The following PALM2AKAP2 variants were observed in gnomAD, a reference collection of about 807,000 sequenced individuals.
PALM2AKAP2 encodes the protein PALM2 and AKAP2 fusion, also known as PALM2-AKAP2 fusion protein.
PALM2AKAP2 carries 37 observed loss-of-function variants against 71.5 expected under a neutral mutation model. The observed-to-expected ratio is 0.52, with a 90% CI of 0.40 to 0.68. The LOEUF is 0.68. Among genes scored for constraint, PALM2AKAP2 ranks in the 30% least tolerant of loss-of-function variants. The pLI is 0.00. For missense variants in PALM2AKAP2, 1,224 were observed against 1,191.8 expected, an observed-to-expected ratio of 1.03 and a Z score of -0.40; for synonymous variants, 468 against 478.8, an observed-to-expected ratio of 0.98 and a Z score of 0.29.
At chr9:109,754,476 T>A (rs1008780414) in intron 1 of PALM2AKAP2, among the ~76,000 whole-genome samples, 11 of 152,146 alleles carry the variant, frequency 7.2e-5, no homozygotes, top group Admixed American at 5.9e-4. Context: ...TTAATTATAG[T>A]CACAGTGTTC....
intron 3 of PALM2AKAP2, among the ~76,000 whole-genome samples, chr9:109,911,352 G>A (rs952026511): frequency 6.6e-6 from 1 of 152,134 alleles, no homozygotes; most frequent in Non-Finnish European, 1.5e-5. Flanking sequence ...TTTCCTACAC[G>A]GAAATCCACT....
At chr9:109,980,863 T>G (rs796793250) in intron 6 of PALM2AKAP2, among the ~76,000 whole-genome samples, 2 of 152,348 alleles carry the variant, frequency 1.3e-5, no homozygotes, top group African/African-American at 4.8e-5. Flanking sequence ...ATTATTTTGT[T>G]TAATTGACAG....
intron 1 of PALM2AKAP2, among the ~76,000 whole-genome samples, chr9:110,053,577 A>AAAAAAG (rs1003682563): frequency 4.6e-5 from 7 of 151,868 alleles, no homozygotes; most frequent in African/African-American, 1.7e-4. Flanking sequence ...AAGAAAAAGA[A>AAAAAAG]AAAAAGAGAC....
chr9:110,036,459 T>G (rs998076234), intron 7 of PALM2AKAP2, among the ~76,000 whole-genome samples: 1 of 152,178 alleles, frequency 6.6e-6, no homozygotes, highest in African/African-American at 2.4e-5. Flanking sequence ...GATTTCACCA[T>G]TGATGTCACC....
At chr9:109,774,007 G>A (rs1453785651) in intron 1 of PALM2AKAP2, among the ~76,000 whole-genome samples, 3 of 152,222 alleles carry the variant, frequency 2.0e-5, no homozygotes, top group African/African-American at 7.2e-5. Flanking sequence ...CCAGCCAGCA[G>A]GGTGGACAGG....
At chr9:109,995,431 T>A (rs1005496048) in intron 6 of PALM2AKAP2, among the ~76,000 whole-genome samples, 16 of 152,184 alleles carry the variant, frequency 1.1e-4, no homozygotes, top group African/African-American at 3.9e-4. Context: ...AGGTGGTGCA[T>A]TAGTCTATCC....
chr9:109,641,182 G>C (rs1193702067), intron 1 of PALM2AKAP2, among the ~76,000 whole-genome samples: 1 of 152,230 alleles, frequency 6.6e-6, no homozygotes, highest in Non-Finnish European at 1.5e-5. Flanking sequence ...TCCGCTTATC[G>C]GGGAGTTGGC....
chr9:109,783,315 TTAA>T (rs1370752101), intron 1 of PALM2AKAP2, among the ~76,000 whole-genome samples: 2 of 121,418 alleles, frequency 1.6e-5, no homozygotes, highest in African/African-American at 4.1e-5. Flanking sequence ...GGAATGTGTA[TTAA>T]TGACTTTTTT....
chr9:109,687,350 T>C (rs1285452690), intron 1 of PALM2AKAP2, among the ~76,000 whole-genome samples: 1 of 152,242 alleles, frequency 6.6e-6, no homozygotes, highest in Non-Finnish European at 1.5e-5. Context: ...TTTGTCCTTA[T>C]AGTGAAAATC....
At chr9:109,643,889 G>T (rs920274823) in intron 1 of PALM2AKAP2, among the ~76,000 whole-genome samples, 2 of 152,226 alleles carry the variant, frequency 1.3e-5, no homozygotes, top group Admixed American at 6.5e-5. Flanking sequence ...GTGTGGTACA[G>T]GAGTCAGCTC....
chr9:110,045,810 C>T (rs1170957851), upstream of PALM2AKAP2, among the ~76,000 whole-genome samples: 1 of 152,110 alleles, frequency 6.6e-6, no homozygotes, highest in African/African-American at 2.4e-5. Flanking sequence ...CCTCGTGATC[C>T]ACCCACCTCG....
intron 1 of PALM2AKAP2, among the ~76,000 whole-genome samples, chr9:109,736,093 C>A (rs1192760251): frequency 6.6e-6 from 1 of 152,180 alleles, no homozygotes; most frequent in African/African-American, 2.4e-5. Flanking sequence ...AATCACCAAC[C>A]ATTCCAGCAT....
At chr9:109,927,974 A>G (rs1830994549) in intron 5 of PALM2AKAP2, among the ~76,000 whole-genome samples, 1 of 152,198 alleles carries the variant, frequency 6.6e-6, no homozygotes, top group Admixed American at 6.5e-5. Context: ...TTGGTGTATG[A>G]TATGGATCTT....
chr9:110,006,697 G>A (rs551147276), intron 6 of PALM2AKAP2, among the ~76,000 whole-genome samples: 5 of 151,936 alleles, frequency 3.3e-5, no homozygotes, highest in African/African-American at 7.3e-5. Context: ...TAATGAGAAC[G>A]AGAGAGAAAA....
intron 7 of PALM2AKAP2, among the ~76,000 whole-genome samples, chr9:110,035,414 T>C (rs970170552): frequency 7.2e-6 from 1 of 139,764 alleles, no homozygotes; most frequent in African/African-American, 2.7e-5. Context: ...ATATAATATG[T>C]ATAATACATA....
intron 3 of PALM2AKAP2, among the ~76,000 whole-genome samples, chr9:109,890,347 T>TA (rs901743236): frequency 6.6e-6 from 1 of 152,166 alleles, no homozygotes; most frequent in African/African-American, 2.4e-5. Flanking sequence ...GGCTGCTTGA[T>TA]ACTCATCAAG....
At chr9:109,769,923 A>G (rs1178497222) in intron 1 of PALM2AKAP2, among the ~76,000 whole-genome samples, 2 of 152,144 alleles carry the variant, frequency 1.3e-5, no homozygotes, top group African/African-American at 4.8e-5. Context: ...GATCGGGTGA[A>G]GGCTGTTCTC....
At chr9:109,836,890 A>C (rs1328277701) in intron 1 of PALM2AKAP2, among the ~76,000 whole-genome samples, 1 of 152,242 alleles carries the variant, frequency 6.6e-6, no homozygotes, top group Non-Finnish European at 1.5e-5. Flanking sequence ...GAAAAAAACA[A>C]ATCTACATCT....
rs188143025 is a variant in PALM2AKAP2, at chr9:109,723,199, A to G, written c.6-57289A>G. Among the ~76,000 whole-genome samples, 112 of 152,322 alleles carry G rather than the reference A, an allele frequency of 7.4e-4. 1 individual carries two copies. The highest frequency in any genetic ancestry group is 2.5e-3 in the South Asian group (12 of 4,822). The stretch of plus-strand genomic sequence containing the variant: ...GCTGACAAAAGCTTCAAACTTCTTC[A>G]GTATCTGCTTAAAGGCCCATCTCCG... On this transcript the variant is annotated intron_variant, in intron 1 of 6. Transcript: ENST00000374531.
Sources: gnomAD v4.1 joint callset for allele counts (sites outside exome capture counted in the v4.1 genomes callset) on GRCh38, gnomAD v4.1.1 for gene constraint, MANE v1.5 for transcripts, NCBI Gene and HGNC (gene_info 2026-07-23, HGNC 2026-07-21) for gene names.